Variants in NOSTRIN observed in about 807,000 individuals in gnomAD.
The protein encoded by NOSTRIN is BM247 homolog.
In NOSTRIN, 63 loss-of-function variants were observed where a neutral mutation model predicts 59.0. That is an observed-to-expected ratio of 1.07 (90% CI 0.87 to 1.32). The LOEUF (loss-of-function observed/expected upper bound fraction) is 1.32. Ranked by LOEUF, NOSTRIN falls within the 40% of genes most tolerant of loss-of-function variation. NOSTRIN has a pLI of 0.00. For synonymous variants in NOSTRIN, 200 were observed against 165.4 expected, an observed-to-expected ratio of 1.21 and a Z score of -1.61; for missense variants, 512 against 473.1, an observed-to-expected ratio of 1.08 and a Z score of -0.76.
rs145359122 is a variant in NOSTRIN, at chr2:168,826,527, C to T, written c.198-1631C>T. Among the ~76,000 whole-genome samples the T allele has an allele frequency of 4.0e-5, 6 of 149,092 alleles. No individual in the cohort carries two copies. In the East Asian group the frequency reaches 1.2e-3, roughly 29 times the overall value. On this transcript the variant is annotated intron_variant, in intron 3 of 15. Coordinates refer to ENST00000317647, the MANE Select transcript of NOSTRIN (RefSeq NM_001039724.4). ...CTTTTCACAGGTGTTGACCAAGTTA[C>T]TTCTACTTTAAAAGATCAGTTAAGT...
At chr2:168,838,924 C>T (rs759151008) in intron 7 of NOSTRIN, among the ~76,000 whole-genome samples, 2 of 151,640 alleles carry the variant, frequency 1.3e-5, no homozygotes, top group Non-Finnish European at 2.9e-5. Flanking sequence ...GCTGGGATTA[C>T]AGGCACTCAC....
intron 2 of NOSTRIN, among the ~76,000 whole-genome samples, chr2:168,818,533 T>C (rs1037664071): frequency 2.0e-5 from 3 of 152,348 alleles, no homozygotes; most frequent in African/African-American, 7.2e-5. Flanking sequence ...TTCATTATCT[T>C]AGTTTTACAA....
rs578202519 is a variant in NOSTRIN, at chr2:168,857,706, CTG to C, written c.1053+929_1053+930del. The stretch of plus-strand genomic sequence containing the variant: ...AGATCATGAGTGGACTGGGGTTAAT[CTG>C]AGAATCATTTAAGGAGATAAATTTT... On this transcript the variant is annotated intron_variant, in intron 12 of 15. Transcript: ENST00000317647. Among the ~76,000 whole-genome samples the C allele has an allele frequency of 2.2e-3, 339 of 152,324 alleles. 1 individual carries two copies. The highest frequency in any genetic ancestry group is 7.7e-3 in the African/African-American group (318 of 41,560).
intron 8 of NOSTRIN, among the ~76,000 whole-genome samples, chr2:168,849,548 G>A (rs1434057267): frequency 1.3e-5 from 2 of 151,364 alleles, no homozygotes; most frequent in African/African-American, 4.9e-5. Context: ...TAGAGACGGG[G>A]TTTTGCCACG....
rs1574327246 is a variant in NOSTRIN, at chr2:168,851,282, C to T, written c.733C>T (p.His245Tyr). Residue 245 changes from histidine (H) to tyrosine (Y), a missense_variant, in exon 10 of 16, where the codon CAC becomes TAC. His to Tyr is a moderately conservative substitution (Grantham distance 83). Transcript: ENST00000317647. ...SLFGQTLTTC[H>Y]TQIHCAISKI... ...TCTGTTCCCCTTGGCATTGCAGTGC[C>T]ACACGCAGATTCACTGTGCCATCAG... 1 of 1,613,790 alleles carries T rather than the reference C, an allele frequency of 6.2e-7. No homozygotes were observed. Among genetic ancestry groups the T allele is most frequent in the Non-Finnish European group, 8.5e-7 (1 of 1,179,968 alleles).
intron 2 of NOSTRIN, among the ~76,000 whole-genome samples, chr2:168,813,114 A>G (rs1396022884): frequency 6.6e-6 from 1 of 152,196 alleles, no homozygotes; most frequent in Admixed American, 6.5e-5. Context: ...TTTCTTCTGT[A>G]AGAAAATATT....
chr2:168,820,884 T>C (rs1039437325), intron 2 of NOSTRIN, among the ~76,000 whole-genome samples: 4 of 152,202 alleles, frequency 2.6e-5, no homozygotes, highest in Admixed American at 2.0e-4. Flanking sequence ...CAGAGACACC[T>C]TGTACAGTCT....
intron 8 of NOSTRIN, among the ~76,000 whole-genome samples, chr2:168,846,579 C>G (rs1476016646): frequency 6.6e-6 from 1 of 152,188 alleles, no homozygotes; most frequent in Non-Finnish European, 1.5e-5. Flanking sequence ...ATACTGTATT[C>G]TAGCCACATC....
chr2:168,807,597 A>G (rs1007017302), intron 1 of NOSTRIN, among the ~76,000 whole-genome samples: 1 of 152,202 alleles, frequency 6.6e-6, no homozygotes, highest in Non-Finnish European at 1.5e-5. Flanking sequence ...TAAATTAACA[A>G]CAAGTATGAA....
chr2:168,805,585 G>A (rs776690556), intron 1 of NOSTRIN, among the ~76,000 whole-genome samples: 1 of 152,192 alleles, frequency 6.6e-6, no homozygotes, highest in Non-Finnish European at 1.5e-5. Context: ...GTAACAAGCT[G>A]TAGCCAAATT....
intron 14 of NOSTRIN, 73 bp from the exon 15 acceptor site, chr2:168,861,887 T>C: frequency 1.4e-6 from 2 of 1,381,416 alleles, no homozygotes; most frequent in Non-Finnish European, 2.0e-6. Context: ...CACTGTTAAA[T>C]AACCAAAGAG....
At chr2:168,834,464 A>G in intron 7 of NOSTRIN, 139 bp downstream of exon 7, 2 of 572,560 alleles carry the variant, frequency 3.5e-6, no homozygotes, top group Middle Eastern at 4.4e-4. Context: ...CAGAGCATAA[A>G]AGGGGATTCC....
At chr2:168,797,560 C>G (rs1034699606), upstream of NOSTRIN, among the ~76,000 whole-genome samples, 1 of 152,182 alleles carries the variant, frequency 6.6e-6, no homozygotes, top group African/African-American at 2.4e-5. Context: ...GCTATAAGGA[C>G]TTCCCACTGG....
At chr2:168,809,531 G>C (rs1054911257) in intron 1 of NOSTRIN, among the ~76,000 whole-genome samples, 1 of 152,050 alleles carries the variant, frequency 6.6e-6, no homozygotes, top group African/African-American at 2.4e-5. Flanking sequence ...AAAACAAAAG[G>C]CTTAGGGAGA....
intron 1 of NOSTRIN, among the ~76,000 whole-genome samples, chr2:168,805,259 G>A (rs1685788638): frequency 6.6e-6 from 1 of 152,168 alleles, no homozygotes; most frequent in South Asian, 2.1e-4. Context: ...TTGCCAGGGT[G>A]GCATAAGATT....
intron 7 of NOSTRIN, among the ~76,000 whole-genome samples, 182 bp downstream of exon 7, chr2:168,834,507 G>GTGCGCACA (rs1553527124): frequency 8.0e-6 from 1 of 125,342 alleles, no homozygotes; most frequent in Non-Finnish European, 1.7e-5. Flanking sequence ...GCGCGCGCGC[G>GTGCGCACA]CACACACACA....
chr2:168,846,569 A>G (rs1688439004), intron 8 of NOSTRIN, among the ~76,000 whole-genome samples: 2 of 152,216 alleles, frequency 1.3e-5, no homozygotes, highest in South Asian at 4.1e-4. Flanking sequence ...CTTCACAATC[A>G]TACTGTATTC....
intron 6 of NOSTRIN, among the ~76,000 whole-genome samples, chr2:168,832,911 T>C (rs1320972823): frequency 6.6e-6 from 1 of 152,194 alleles, no homozygotes; most frequent in Non-Finnish European, 1.5e-5. Flanking sequence ...GATGAGCCAC[T>C]ACACCTGGCC....
chr2:168,848,964 A>T (rs1483398353), intron 8 of NOSTRIN, among the ~76,000 whole-genome samples: 1 of 152,248 alleles, frequency 6.6e-6, no homozygotes, highest in Non-Finnish European at 1.5e-5. Context: ...TACCATAATT[A>T]AAAGTATAAA....
Sources: gnomAD v4.1 joint callset for allele counts (sites outside exome capture counted in the v4.1 genomes callset) on GRCh38, gnomAD v4.1.1 for gene constraint, MANE v1.5 for transcripts, NCBI Gene and HGNC (gene_info 2026-07-23, HGNC 2026-07-21) for gene names.